The following ELMO1 variants were observed in gnomAD, a reference collection of about 807,000 sequenced individuals.
The protein encoded by ELMO1 is engulfment and cell motility 1.
Under a neutral mutation model 98.9 loss-of-function variants are expected in ELMO1, and 26 were observed. That is an observed-to-expected ratio of 0.26 (90% CI 0.19 to 0.36). ELMO1 has a LOEUF of 0.36. Ranked by LOEUF, ELMO1 falls within the 10% of genes least tolerant of loss-of-function variation. The pLI is 1.00. For missense variants in ELMO1, 627 were observed against 935.2 expected (o/e 0.67, Z 4.30); for synonymous variants, 346 against 346.0 (o/e 1.00, Z 0.00).
At chr7:37,092,366 C>CT (rs537388417) in intron 15 of ELMO1, among the ~76,000 whole-genome samples, 3,419 of 68,850 alleles carry the variant, frequency 0.05, 706 homozygotes, top group Non-Finnish European at 0.07. Flanking sequence ...TACCCATATT[C>CT]TTTTTTTTTT....
intron 15 of ELMO1, among the ~76,000 whole-genome samples, chr7:37,061,988 T>C (rs2129214448): frequency 6.6e-6 from 1 of 152,330 alleles, no homozygotes; most frequent in African/African-American, 2.4e-5. Context: ...GGGTTATATT[T>C]CATCCTATGA....
intron 8 of ELMO1, among the ~76,000 whole-genome samples, chr7:37,231,252 A>AC (rs954969733): frequency 4.7e-5 from 7 of 148,906 alleles, no homozygotes; most frequent in Non-Finnish European, 8.9e-5. Context: ...CTCTGATCCT[A>AC]CCCCCCTCAT....
At chr7:36,868,084 T>A (rs1388551213) in intron 20 of ELMO1, among the ~76,000 whole-genome samples, 2 of 152,210 alleles carry the variant, frequency 1.3e-5, no homozygotes, top group Admixed American at 1.3e-4. Flanking sequence ...GGTCTACTGA[T>A]TACTGACCAA....
Position 36,854,494 on chromosome 7 carries a change from T to C in ELMO1, c.*1057A>G, listed in dbSNP as rs1192306708. On this transcript the variant is annotated 3_prime_UTR_variant, in exon 22 of 22. Coordinates refer to ENST00000310758, the MANE Select transcript of ELMO1 (RefSeq NM_014800.11). ...ATCTCTTCTTTTCATTAAATATATA[T>C]CTGTTTGGCAAAAAATGTTAGACTC... 1.3e-5 allele frequency: 2 copies of C among 149,252 alleles called. No homozygotes were observed. The highest frequency in any genetic ancestry group is 5.0e-5 in the African/African-American group (2 of 40,102). 9.2% of individuals were successfully genotyped at this position (149,252 alleles called of 1,614,324 possible).
intron 4 of ELMO1, among the ~76,000 whole-genome samples, chr7:37,288,722 A>C (rs533251385): frequency 2.0e-5 from 3 of 152,304 alleles, no homozygotes; most frequent in African/African-American, 7.2e-5. Flanking sequence ...CTTAGTGTAT[A>C]AGTTTTGACA....
At chr7:37,047,027 A>G (rs1021619366) in intron 15 of ELMO1, among the ~76,000 whole-genome samples, 2 of 152,222 alleles carry the variant, frequency 1.3e-5, no homozygotes, top group Non-Finnish European at 2.9e-5. Context: ...TTTTCCAAAT[A>G]TTATACTTTT....
chr7:36,975,077 A>C lies in ELMO1; in HGVS notation c.1437+38222T>G, dbSNP rs564625287. ...CACGGCTTCATTCTTGAAGTCAGTAAGACCAAGAACCCACCAATTCCGGAC... is the reference window on the plus strand; with the variant it reads ...CACGGCTTCATTCTTGAAGTCAGTACGACCAAGAACCCACCAATTCCGGAC... On this transcript the variant is annotated intron_variant, in intron 16 of 21. Transcript: ENST00000310758. 3.9e-5 allele frequency among the ~76,000 whole-genome samples: 6 copies of C among 152,366 alleles called. No homozygotes were observed. The East Asian group carries it at 1.2e-3, about 29-fold the overall frequency.
intron 16 of ELMO1, among the ~76,000 whole-genome samples, chr7:36,952,317 G>T (rs905324935): frequency 1.3e-5 from 2 of 152,280 alleles, no homozygotes. Context: ...CTGTACCCAG[G>T]GGCCAAACAC....
intron 13 of ELMO1, among the ~76,000 whole-genome samples, chr7:37,138,189 GA>G (rs1358497968): frequency 1.3e-5 from 2 of 150,908 alleles, no homozygotes; most frequent in Non-Finnish European, 3.0e-5. Flanking sequence ...CCCAGCAGAA[GA>G]AAAGAAATAA....
At chr7:37,063,628 G>C (rs1051234205) in intron 15 of ELMO1, among the ~76,000 whole-genome samples, 1 of 152,072 alleles carries the variant, frequency 6.6e-6, no homozygotes, top group African/African-American at 2.4e-5. Flanking sequence ...CTTCATCACA[G>C]CTTCTACCAT....
chr7:37,156,266 T>C (rs1034495131), intron 13 of ELMO1, among the ~76,000 whole-genome samples: 3 of 151,286 alleles, frequency 2.0e-5, no homozygotes, highest in African/African-American at 7.3e-5. Flanking sequence ...TTAAAAGAAC[T>C]AGAGAAAAGT....
chr7:37,404,017 A>C (rs1242123011), intron 1 of ELMO1, among the ~76,000 whole-genome samples: 2 of 152,108 alleles, frequency 1.3e-5, no homozygotes, highest in African/African-American at 4.8e-5. Flanking sequence ...ATATATTGGA[A>C]CTCACTGTGC....
intron 1 of ELMO1, among the ~76,000 whole-genome samples, chr7:37,406,429 G>A (rs12538195): frequency 6.6e-6 from 1 of 151,428 alleles, no homozygotes; most frequent in African/African-American, 2.4e-5. Flanking sequence ...GAGGAAGTAA[G>A]AAAATTTTTT....
At chr7:36,942,449 T>C (rs1377521410) in intron 16 of ELMO1, among the ~76,000 whole-genome samples, 1 of 152,164 alleles carries the variant, frequency 6.6e-6, no homozygotes, top group Non-Finnish European at 1.5e-5. Context: ...AACCCTCAAA[T>C]TGTAGTGAGG....
intron 18 of ELMO1, among the ~76,000 whole-genome samples, chr7:36,882,408 A>AT (rs931446219): frequency 1.8e-4 from 27 of 152,202 alleles, no homozygotes; most frequent in African/African-American, 6.5e-4. Flanking sequence ...GAGATCTAAG[A>AT]TTTTTTTGTT....
intron 16 of ELMO1, among the ~76,000 whole-genome samples, chr7:36,975,497 A>C (rs1790448764): frequency 6.6e-6 from 1 of 151,970 alleles, no homozygotes; most frequent in Non-Finnish European, 1.5e-5. Context: ...ATTTTCATCA[A>C]AGTTGAAATA....
chr7:37,252,473 A>C (rs1282236822), intron 6 of ELMO1, among the ~76,000 whole-genome samples: 1 of 152,210 alleles, frequency 6.6e-6, no homozygotes, highest in African/African-American at 2.4e-5. Context: ...AAAAACAAGC[A>C]ATGGGGAAAG....
At chr7:37,083,728 G>C (rs1348475792) in intron 15 of ELMO1, among the ~76,000 whole-genome samples, 1 of 152,196 alleles carries the variant, frequency 6.6e-6, no homozygotes, top group East Asian at 1.9e-4. Context: ...TCACTCCAGA[G>C]AGACAGGCAG....
rs1802620372 is a variant in ELMO1 at position 36,861,460 on chromosome 7, CAAT to C, written c.1983+196_1983+198del. ...ATCCTTTTTCTTTACCATGAACTATCAATCAAGCTACTAAGAAGTTGAATCTGT... is the reference window on the plus strand; with the variant it reads ...ATCCTTTTTCTTTACCATGAACTATCCAAGCTACTAAGAAGTTGAATCTGT... On this transcript the variant is annotated intron_variant, in intron 21 of 21. Transcript: ENST00000310758. Among the ~76,000 whole-genome samples, 4 of 152,066 alleles carry C rather than the reference CAAT, an allele frequency of 2.6e-5. No individual in the cohort carries two copies. The South Asian group carries it at 8.4e-4, about 32-fold the overall frequency.
Sources: gnomAD v4.1 joint callset for allele counts (sites outside exome capture counted in the v4.1 genomes callset) on GRCh38, gnomAD v4.1.1 for gene constraint, MANE v1.5 for transcripts, NCBI Gene and HGNC (gene_info 2026-07-23, HGNC 2026-07-21) for gene names.